The following GUCY1A1 variants were observed in gnomAD, a reference collection of about 807,000 sequenced individuals.
GUCY1A1 encodes the protein guanylate cyclase 1 soluble subunit alpha 1.
In GUCY1A1, 48 loss-of-function variants were observed where a neutral mutation model predicts 64.5. The ratio of observed to expected loss-of-function variants is 0.74; its 90% CI spans 0.59 to 0.95. The LOEUF (loss-of-function observed/expected upper bound fraction) is 0.95. Ranked by LOEUF, GUCY1A1 falls within the 40% of genes least tolerant of loss-of-function variation. The pLI is 0.00. For synonymous variants in GUCY1A1, 308 were observed against 303.4 expected, an observed-to-expected ratio of 1.02 and a Z score of -0.16; for missense variants, 804 against 825.3, an observed-to-expected ratio of 0.97 and a Z score of 0.32.
At chr4:155,716,177 T>A (rs948608335) in intron 7 of GUCY1A1, among the ~76,000 whole-genome samples, 7 of 152,082 alleles carry the variant, frequency 4.6e-5, no homozygotes, top group African/African-American at 1.7e-4. Context: ...AGTCAGAGAT[T>A]AGGAGAAAGA....
At chr4:155,706,446 C>T (rs549565336) in intron 4 of GUCY1A1, among the ~76,000 whole-genome samples, 13 of 151,980 alleles carry the variant, frequency 8.6e-5, no homozygotes, top group Non-Finnish European at 1.8e-4. Context: ...TTCTCTTCTA[C>T]GAATTGACAA....
chr4:155,714,372 T>C (rs1270166574), intron 7 of GUCY1A1, among the ~76,000 whole-genome samples: 1 of 152,222 alleles, frequency 6.6e-6, no homozygotes, highest in Non-Finnish European at 1.5e-5. Flanking sequence ...TCATCAGTCA[T>C]ACAGGATGAG....
At chr4:155,708,039 A>G (rs1247823016) in intron 4 of GUCY1A1, among the ~76,000 whole-genome samples, 197 bp from the exon 5 acceptor site, 1 of 152,090 alleles carries the variant, frequency 6.6e-6, no homozygotes, top group African/African-American at 2.4e-5. Context: ...GGGTTTCACC[A>G]TATTGGCCAG....
intron 2 of GUCY1A1, among the ~76,000 whole-genome samples, chr4:155,669,252 G>A (rs1733789727): frequency 6.6e-6 from 1 of 151,824 alleles, no homozygotes; most frequent in African/African-American, 2.4e-5. Flanking sequence ...TATTTATAAG[G>A]TATATTTATA....
chr4:155,703,101 AC>A (rs1480690707), intron 3 of GUCY1A1, among the ~76,000 whole-genome samples: 1 of 152,072 alleles, frequency 6.6e-6, no homozygotes, highest in Non-Finnish European at 1.5e-5. Flanking sequence ...TCTACTTTCC[AC>A]TTATTTATTA....
chr4:155,678,499 A>G (rs765951266), intron 2 of GUCY1A1, among the ~76,000 whole-genome samples: 7 of 152,212 alleles, frequency 4.6e-5, no homozygotes, highest in Non-Finnish European at 7.3e-5. Context: ...CATTACTTTA[A>G]TCAAATCCCT....
chr4:155,723,847 G>A (rs1022581851), intron 9 of GUCY1A1, among the ~76,000 whole-genome samples: 15 of 151,940 alleles, frequency 9.9e-5, no homozygotes, highest in African/African-American at 3.4e-4. Flanking sequence ...ATTTTTAGTA[G>A]ATACTGGGTT....
intron 8 of GUCY1A1, among the ~76,000 whole-genome samples, chr4:155,721,712 C>G (rs1733973777): frequency 6.6e-6 from 1 of 152,086 alleles, no homozygotes. Context: ...TTCACATAAA[C>G]AGCTCATATC....
chr4:155,721,139 C>T (rs1173976118), intron 8 of GUCY1A1, among the ~76,000 whole-genome samples: 1 of 152,108 alleles, frequency 6.6e-6, no homozygotes, highest in Non-Finnish European at 1.5e-5. Flanking sequence ...TGGTGCATGC[C>T]TGTAGTTCTA....
chr4:155,685,336 C>A (rs980713828), intron 2 of GUCY1A1, among the ~76,000 whole-genome samples: 1 of 152,212 alleles, frequency 6.6e-6, no homozygotes, highest in Non-Finnish European at 1.5e-5. Context: ...AGTCATGTGA[C>A]CTCCATAGCA....
In GUCY1A1 at chr4:155,710,864, G is replaced by A. The variant is rs1207490507; in HGVS notation, c.699G>A (p.Val233=). The A allele has an allele frequency of 6.2e-7, 1 of 1,613,998 alleles. No homozygotes were observed. Among genetic ancestry groups the A allele is most frequent in the South Asian group, 1.1e-5 (1 of 91,082 alleles). The part of the protein sequence containing the change: ...AHVLYETEVE[V]SLMPPCFHND... The stretch of plus-strand genomic sequence containing the variant: ...TATTATATGAAACGGAAGTGGAAGT[G>A]TCGTTAATGCCTCCCTGCTTCCATA... The change falls in exon 6 of 10, where the codon GTG becomes GTA. Residue 233 remains valine (V), a synonymous_variant. Transcript: ENST00000506455.
chr4:155,674,361 A>AAAG (rs1477923353), intron 2 of GUCY1A1, among the ~76,000 whole-genome samples: 2 of 151,038 alleles, frequency 1.3e-5, no homozygotes, highest in Non-Finnish European at 1.5e-5. Context: ...CTAAAAAAAA[A>AAAG]AAAGAAAGAA....
rs1035531721 is a variant in GUCY1A1 at position 155,708,460 on chromosome 4, TG to T, written c.376+167del. On this transcript the variant is annotated intron_variant, in intron 5 of 9. Transcript: ENST00000506455. The stretch of plus-strand genomic sequence containing the variant: ...AACTCTTTTTGATACTATATGTTTT[TG>T]TTTGACCTAAAACATTTTCTCTGTT... 1.1e-4 allele frequency among the ~76,000 whole-genome samples: 17 copies of T among 152,340 alleles called. 1 individual carries two copies. Among genetic ancestry groups the T allele is most frequent in the Middle Eastern group, 6.8e-3 (2 of 294 alleles).
chr4:155,703,201 A>T (rs1437385864), intron 3 of GUCY1A1, among the ~76,000 whole-genome samples: 1 of 152,202 alleles, frequency 6.6e-6, no homozygotes, highest in Non-Finnish European at 1.5e-5. Context: ...TTGCAAAATA[A>T]GGAAACTCAT....
chr4:155,667,653 G>C (rs1391673608), intron 2 of GUCY1A1: 2 of 151,890 alleles, frequency 1.3e-5, no homozygotes, highest in African/African-American at 2.4e-5. Flanking sequence ...GCGCCCGAGG[G>C]AGGAGCACAG....
intron 3 of GUCY1A1, among the ~76,000 whole-genome samples, chr4:155,699,090 T>TTTGG: frequency 6.6e-6 from 1 of 152,252 alleles, no homozygotes; most frequent in South Asian, 2.1e-4. Context: ...TATTTATTTA[T>TTTGG]TTGGTTGTAT....
At chr4:155,723,457 G>T (rs773614229) in intron 9 of GUCY1A1, among the ~76,000 whole-genome samples, 1 of 151,916 alleles carries the variant, frequency 6.6e-6, no homozygotes, top group Admixed American at 6.6e-5. Flanking sequence ...AAACCAATCC[G>T]TGGTAACTAG....
intron 4 of GUCY1A1, among the ~76,000 whole-genome samples, chr4:155,704,511 T>C (rs1731482774): frequency 6.7e-6 from 1 of 149,856 alleles, no homozygotes; most frequent in Non-Finnish European, 1.5e-5. Context: ...CAGGAGGAGG[T>C]AGAAGGATCA....
At chr4:155,685,707 C>G (rs918867647) in intron 2 of GUCY1A1, among the ~76,000 whole-genome samples, 1 of 150,180 alleles carries the variant, frequency 6.7e-6, no homozygotes, top group Non-Finnish European at 1.5e-5. Flanking sequence ...GATTCTATCT[C>G]CAGCATTGCA....
Sources: gnomAD v4.1 joint callset for allele counts (sites outside exome capture counted in the v4.1 genomes callset) on GRCh38, gnomAD v4.1.1 for gene constraint, MANE v1.5 for transcripts, NCBI Gene and HGNC (gene_info 2026-07-23, HGNC 2026-07-21) for gene names.